HEPHL1: variants seen among roughly 807,000 people sequenced by gnomAD.
HEPHL1 encodes the protein hephaestin like 1.
HEPHL1 carries 123 observed loss-of-function variants against 122.0 expected under a neutral mutation model. The ratio of observed to expected loss-of-function variants is 1.01; its 90% confidence interval spans 0.87 to 1.17. The LOEUF is 1.17. HEPHL1 is among the 50% of genes most tolerant of loss of function. The probability of loss-of-function intolerance (pLI) is 0.00; values close to 1 mark genes in which losing one functional copy is unlikely to be tolerated. For missense variants in HEPHL1, 1,452 were observed against 1,430.5 expected, an observed-to-expected ratio of 1.01 and a Z score of -0.24; for synonymous variants, 527 against 508.9, an observed-to-expected ratio of 1.04 and a Z score of -0.48.
chr11:94,045,122 G>T (rs112693700), intron 1 of HEPHL1, among the ~76,000 whole-genome samples: 1,540 of 152,278 alleles, frequency 0.01, 27 homozygotes, highest in African/African-American at 0.035. Context: ...TGCCCAGGCT[G>T]GTCTCAAACT....
At chr11:94,086,642 G>A (rs1946220767) in intron 11 of HEPHL1, among the ~76,000 whole-genome samples, 1 of 152,164 alleles carries the variant, frequency 6.6e-6, no homozygotes, top group Non-Finnish European at 1.5e-5. Flanking sequence ...ACTGATAACA[G>A]CCTTTTGATT....
rs768755506 is a variant in HEPHL1 at position 94,111,853 on chromosome 11, C to T, written c.3439C>T (p.Gln1147Ter). 8 of 1,532,310 alleles carry T rather than the reference C, an allele frequency of 5.2e-6. No homozygotes were observed. In the East Asian group the frequency reaches 1.6e-4, roughly 30 times the overall value. The allele number at this position is 1,532,310 out of a possible 1,614,324, so 94.9% of individuals were successfully genotyped here. ...LCSAMKQTDY[Q>*]QVQSCALPTD... is the part of the protein sequence containing the mutation. Reference sequence around the variant, plus strand: ...CTCTGCAATGAAGCAGACAGATTACCAGCAAGTCCAGTCCTGTGCTCTCCC... The same window carrying T: ...CTCTGCAATGAAGCAGACAGATTACTAGCAAGTCCAGTCCTGTGCTCTCCC... The change falls in exon 20 of 20, where the codon CAG becomes TAG. Residue 1147 changes from glutamine (Q) to a stop codon, truncating the protein, a stop_gained. Transcript: ENST00000315765. LOFTEE classifies it high-confidence loss of function.
intron 1 of HEPHL1, among the ~76,000 whole-genome samples, chr11:94,033,514 A>G (rs1945693944): frequency 6.6e-6 from 1 of 152,102 alleles, no homozygotes; most frequent in Non-Finnish European, 1.5e-5. Flanking sequence ...CACAGCGGAC[A>G]TCTAGTGTGG....
intron 1 of HEPHL1, among the ~76,000 whole-genome samples, chr11:94,035,886 G>A (rs1248600133): frequency 6.6e-6 from 1 of 152,096 alleles, no homozygotes; most frequent in Non-Finnish European, 1.5e-5. Flanking sequence ...ACAGGCGCCC[G>A]TTACCACGCC....
rs534181556 is a variant in HEPHL1, at chr11:94,102,727, C to T, written c.2576-187C>T. On this transcript the variant is annotated intron_variant, in intron 14 of 19. Coordinates refer to ENST00000315765, the MANE Select transcript of HEPHL1 (RefSeq NM_001098672.2). ...AAGGCTGGAGCCTGAAATGACAAAT[C>T]TGCCATTTCATTTTGAAATAGTAGA... is the stretch of plus-strand genomic sequence containing the variant. 2.0e-5 allele frequency among the ~76,000 whole-genome samples: 3 copies of T among 152,300 alleles called. 1 individual carries two copies. In the South Asian group the frequency reaches 6.2e-4, roughly 32 times the overall value.
intron 11 of HEPHL1, among the ~76,000 whole-genome samples, chr11:94,086,831 G>A (rs527520699): frequency 2.6e-5 from 4 of 152,352 alleles, no homozygotes; most frequent in South Asian, 2.1e-4. Flanking sequence ...AGAGCAACAC[G>A]TGGTAGCACA....
At chr11:94,052,287 A>G (rs1945897364) in intron 2 of HEPHL1, among the ~76,000 whole-genome samples, 1 of 151,924 alleles carries the variant, frequency 6.6e-6, no homozygotes, top group African/African-American at 2.4e-5. Flanking sequence ...GTCCTCTTCA[A>G]TTTCTTTCAT....
intron 17 of HEPHL1, 88 bp downstream of exon 17, chr11:94,106,218 A>G (rs1946407451): frequency 9.6e-7 from 1 of 1,042,338 alleles, no homozygotes; most frequent in Non-Finnish European, 1.4e-6. Flanking sequence ...TTACTTGGCA[A>G]TAATGCTTGT....
Position 94,111,770 on chromosome 11 carries a change from T to C in HEPHL1, c.3356T>C (p.Leu1119Pro). Residue 1119 changes from leucine to proline, a missense_variant, in exon 20 of 20, where the codon CTT becomes CCT. By Grantham distance (98) the Leu-to-Pro change is moderately conservative. Transcript: ENST00000315765. Reference sequence around the variant, plus strand: ...GGAGCCAAGGCAGCCTTGGTCATCCTTTTCATCATTGGACTCCTCCTTCTA... The same window carrying C: ...GGAGCCAAGGCAGCCTTGGTCATCCCTTTCATCATTGGACTCCTCCTTCTA... ...PTGAKAALVI[L>P]FIIGLLLLIT... is the part of the protein sequence containing the mutation. 6.3e-7 allele frequency: 1 copy of C among 1,598,884 alleles called. No individual in the cohort carries two copies. The highest frequency in any genetic ancestry group is 1.7e-5 in the Admixed American group (1 of 58,320).
rs932802377 is a variant in HEPHL1, at chr11:94,067,677, C to T, written c.990C>T (p.Phe330=). 4 of 1,613,754 alleles carry T rather than the reference C, an allele frequency of 2.5e-6. No individual in the cohort carries two copies. Among genetic ancestry groups the T allele is most frequent in the Non-Finnish European group, 3.4e-6 (4 of 1,179,742 alleles). The part of the protein sequence containing the change: ...TDVVNLFPAT[F]LTTEMIAENP... ...TCGTCAACCTGTTCCCAGCCACCTTCCTTACAACAGAAATGATAGCCGAGA... is the reference window on the plus strand; with the variant it reads ...TCGTCAACCTGTTCCCAGCCACCTTTCTTACAACAGAAATGATAGCCGAGA... The change falls in exon 5 of 20, where the codon TTC becomes TTT. Residue 330 remains phenylalanine (F), a synonymous_variant. Coordinates refer to ENST00000315765, the MANE Select transcript of HEPHL1 (RefSeq NM_001098672.2).
Position 94,075,192 on chromosome 11 carries a change from C to A in HEPHL1, c.1523C>A (p.Ala508Glu), listed in dbSNP as rs188507582. Residue 508 changes from alanine (A) to glutamate (E), a missense_variant, in exon 9 of 20, where the codon GCG (alanine) becomes GAG (glutamate). Coordinates refer to ENST00000315765, the MANE Select transcript of HEPHL1 (RefSeq NM_001098672.2). ...PNLDGFVKPG[A>E]HVKPGETFTY... Reference sequence around the variant, plus strand: ...TCCTCAGGATTTGTGAAACCAGGGGCGCATGTTAAACCAGGTGAAACCTTC... The same window carrying A: ...TCCTCAGGATTTGTGAAACCAGGGGAGCATGTTAAACCAGGTGAAACCTTC... 1 of 1,612,854 alleles carries A rather than the reference C, an allele frequency of 6.2e-7. No homozygotes were observed. Among genetic ancestry groups the A allele is most frequent in the Non-Finnish European group, 8.5e-7 (1 of 1,179,300 alleles).
intron 1 of HEPHL1, among the ~76,000 whole-genome samples, chr11:94,037,777 G>A (rs1945740000): frequency 6.6e-6 from 1 of 151,760 alleles, no homozygotes; most frequent in Non-Finnish European, 1.5e-5. Context: ...GGAAAAAACA[G>A]AACAGAAAAA....
chr11:94,044,825 C>T (rs985208664), intron 1 of HEPHL1, among the ~76,000 whole-genome samples: 2 of 146,332 alleles, frequency 1.4e-5, no homozygotes, highest in Admixed American at 6.9e-5. Context: ...TGCAGTGGTG[C>T]GATCTTGGCT....
chr11:94,095,308 T>A (rs573803754), intron 13 of HEPHL1, among the ~76,000 whole-genome samples: 6 of 152,312 alleles, frequency 3.9e-5, no homozygotes, highest in African/African-American at 1.4e-4. Flanking sequence ...TGGTTGTAGA[T>A]GTGTGGTATT....
At chr11:94,053,264 A>G (rs1945907405) in intron 2 of HEPHL1, among the ~76,000 whole-genome samples, 1 of 152,018 alleles carries the variant, frequency 6.6e-6, no homozygotes, top group Non-Finnish European at 1.5e-5. Flanking sequence ...GTTGCCTATA[A>G]TATTTCCTTA....
intron 1 of HEPHL1, among the ~76,000 whole-genome samples, chr11:94,045,433 T>C (rs562185542): frequency 6.6e-6 from 1 of 152,294 alleles, no homozygotes; most frequent in East Asian, 1.9e-4. Context: ...TTAGAGTTCT[T>C]TGGATTTGTT....
chr11:94,036,838 C>CAAAAA, intron 1 of HEPHL1, among the ~76,000 whole-genome samples: 1 of 103,838 alleles, frequency 9.6e-6, no homozygotes, highest in Admixed American at 1.1e-4. Context: ...GACTCCGTCT[C>CAAAAA]AAAAAAAAAA....
chr11:94,045,767 A>G lies in HEPHL1; in HGVS notation c.265A>G (p.Ile89Val), dbSNP rs971910805. ...ACGCTTCACGGATGGAACCTACTCC[A>G]TAGAGATCCCCAAACCTCCCTGGCT... is the stretch of plus-strand genomic sequence containing the variant. ...YRRFTDGTYS[I>V]EIPKPPWLGF... Residue 89 changes from isoleucine (I) to valine (V), a missense_variant, in exon 2 of 20, where the codon ATA becomes GTA. Ile to Val is a conservative substitution (Grantham distance 29). Coordinates refer to ENST00000315765, the MANE Select transcript of HEPHL1 (RefSeq NM_001098672.2). The G allele has an allele frequency of 6.2e-7, 1 of 1,613,980 alleles. No individual in the cohort carries two copies. The highest frequency in any genetic ancestry group is 8.5e-7 in the Non-Finnish European group (1 of 1,179,876).
At chr11:94,068,776 T>G (rs1256742565) in intron 5 of HEPHL1, among the ~76,000 whole-genome samples, 1 of 152,192 alleles carries the variant, frequency 6.6e-6, no homozygotes, top group African/African-American at 2.4e-5. Flanking sequence ...GTCTAACACC[T>G]AAACGTCTGC....
Sources: allele counts gnomAD v4.1 joint callset (sites outside exome capture counted in the v4.1 genomes callset), GRCh38; gene constraint gnomAD v4.1.1; transcripts MANE v1.5; gene names NCBI Gene and HGNC (gene_info 2026-07-23, HGNC 2026-07-21).